The following ARPC3 variants were observed in gnomAD, a reference collection of about 807,000 sequenced individuals.
ARPC3 encodes actin related protein 2/3 complex subunit 3, also known as actin-related protein 2/3 complex subunit 3.
Under a neutral mutation model 27.6 loss-of-function variants are expected in ARPC3, and 12 were observed. The ratio of observed to expected loss-of-function variants is 0.43; its 90% CI spans 0.28 to 0.70. The LOEUF (loss-of-function observed/expected upper bound fraction) is 0.70. Ranked by LOEUF, ARPC3 falls within the 30% of genes least tolerant of loss-of-function variation. The pLI, the probability that ARPC3 is intolerant of heterozygous loss-of-function variation, is 0.17. For missense variants in ARPC3, 153 were observed against 207.7 expected (o/e 0.74, Z 1.62); for synonymous variants, 53 against 67.2 (o/e 0.79, Z 1.03).
At chr12:110,435,256 A>C in intron 6 of ARPC3, 39 bp from the exon 7 acceptor site, 1 of 1,441,138 alleles carries the variant, frequency 6.9e-7, no homozygotes, top group East Asian at 2.3e-5. Flanking sequence ...CAGCGGGGTC[A>C]AATTACAATA....
At chr12:110,439,428 A>C (rs545968739) in intron 3 of ARPC3, among the ~76,000 whole-genome samples, 3 of 152,354 alleles carry the variant, frequency 2.0e-5, no homozygotes, top group African/African-American at 7.2e-5. Context: ...AAAACATTCT[A>C]TTACCATCAC....
At chr12:110,449,293 T>C (rs2062485549) in intron 1 of ARPC3, among the ~76,000 whole-genome samples, 1 of 151,918 alleles carries the variant, frequency 6.6e-6, no homozygotes, top group African/African-American at 2.4e-5. Context: ...CTGGGCGCGA[T>C]GGCTCACGCT....
intron 6 of ARPC3, 75 bp downstream of exon 6, chr12:110,436,035 G>T: frequency 9.0e-7 from 1 of 1,112,476 alleles, no homozygotes; most frequent in Non-Finnish European, 1.4e-6. Context: ...TGCAATGGAA[G>T]ACCTTAGTGT....
intron 1 of ARPC3, among the ~76,000 whole-genome samples, chr12:110,446,982 G>A (rs2062468248): frequency 6.6e-6 from 1 of 152,128 alleles, no homozygotes; most frequent in African/African-American, 2.4e-5. Flanking sequence ...ACTAAATAAT[G>A]GGGTGCTGCT....
Position 110,437,064 on chromosome 12 carries a change from A to G in ARPC3, c.252+20T>C, listed in dbSNP as rs752875098. 2 of 1,534,240 alleles carry G rather than the reference A, an allele frequency of 1.3e-6. No individual in the cohort carries two copies. Among genetic ancestry groups the G allele is most frequent in the Admixed American group, 3.3e-5 (2 of 59,878 alleles). On this transcript the variant is annotated intron_variant, in intron 4 of 6. Coordinates refer to ENST00000228825, the MANE Select transcript of ARPC3 (RefSeq NM_001278556.2). Reference sequence around the variant, plus strand: ...TCAGCAATTTGTTTTCCTGATATACAATCATCCAAGTTTAATTACCTTTTG... The same window carrying G: ...TCAGCAATTTGTTTTCCTGATATACGATCATCCAAGTTTAATTACCTTTTG...
chr12:110,440,389 C>T lies in ARPC3; in HGVS notation c.107-1G>A. On this transcript the variant is annotated splice_acceptor_variant, in intron 2 of 6. Transcript: ENST00000228825. LOFTEE classifies it high-confidence loss of function. ...TCATCCACAATATCTGTATCTTTTG[C>T]TAAGCAGGACACAAGGGAAGGAGCA... is the stretch of plus-strand genomic sequence containing the variant. The T allele has an allele frequency of 6.2e-7, 1 of 1,603,526 alleles. No homozygotes were observed. Among genetic ancestry groups the T allele is most frequent in the Non-Finnish European group, 8.5e-7 (1 of 1,170,486 alleles).
At chr12:110,437,380 T>C (rs1435824054) in intron 3 of ARPC3, 6 of 474,708 alleles carry the variant, frequency 1.3e-5, no homozygotes, top group African/African-American at 9.9e-5. Context: ...GCTGCTTTTT[T>C]TTTTTGAGAC....
chr12:110,445,009 C>A, intron 2 of ARPC3: 2 of 218,278 alleles, frequency 9.2e-6, no homozygotes, highest in South Asian at 6.5e-5. Flanking sequence ...TTACATAGTA[C>A]ACTTCAGATT....
chr12:110,449,713 C>T (rs9630309), intron 1 of ARPC3, among the ~76,000 whole-genome samples: 3,250 of 152,248 alleles, frequency 0.021, 106 homozygotes, highest in African/African-American at 0.074. Flanking sequence ...ATTTTTTACT[C>T]CCACTCTGAT....
intron 6 of ARPC3, among the ~76,000 whole-genome samples, chr12:110,435,623 C>T (rs1207241881): frequency 1.3e-5 from 2 of 151,980 alleles, no homozygotes; most frequent in East Asian, 1.9e-4. Flanking sequence ...AGCCACCGCG[C>T]CTGGCCATAA....
Position 110,436,699 on chromosome 12 carries a change from T to TATATATATATACAC in ARPC3, c.253-17_253-16insGTGTATATATATAT. 4.7e-6 allele frequency: 3 copies of TATATATATATACAC among 633,898 alleles called. No individual in the cohort carries two copies. Among genetic ancestry groups the TATATATATATACAC allele is most frequent in the Non-Finnish European group, 7.4e-6 (3 of 403,988 alleles). 39.3% of individuals were successfully genotyped at this position (633,898 alleles called of 1,614,324 possible). On this transcript the variant is annotated splice_polypyrimidine_tract_variant and intron_variant, in intron 4 of 6. Coordinates refer to ENST00000228825, the MANE Select transcript of ARPC3 (RefSeq NM_001278556.2). ...TGGAATTGCACTGGAAAAAAAAATATATATATATATATACACACACACACA... is the reference window on the plus strand; with the variant it reads ...TGGAATTGCACTGGAAAAAAAAATATATATATATATACACATATATATATATACACACACACACA...
chr12:110,441,799 G>A (rs1178946750), intron 2 of ARPC3, among the ~76,000 whole-genome samples: 3 of 151,958 alleles, frequency 2.0e-5, no homozygotes, highest in Non-Finnish European at 1.5e-5. Context: ...GGGAGGCCGA[G>A]ACGGGTGGAT....
chr12:110,438,168 C>T, intron 3 of ARPC3, among the ~76,000 whole-genome samples: 1 of 151,834 alleles, frequency 6.6e-6, no homozygotes, highest in South Asian at 2.1e-4. Context: ...TGGTGGCGTG[C>T]GCCTGTAATC....
Position 110,436,561 on chromosome 12 carries a change from T to A in ARPC3, c.375A>T (p.Glu125Asp). Reference sequence around the variant, plus strand: ...AGGATAGAGACCTGTTCTTACCATCTTCCTGTTTGTTTGCAGGTTTGGCAT... The same window carrying A: ...AGGATAGAGACCTGTTCTTACCATCATCCTGTTTGTTTGCAGGTTTGGCAT... ...AIYAKPANKQ[E>D]DEVMRAYLQQ... The change falls in exon 5 of 7, where the codon GAA (glutamate) becomes GAT (aspartate). Residue 125 changes from glutamate to aspartate, a missense_variant. Physicochemically the swap from Glu to Asp is conservative, Grantham distance 45 (BLOSUM62 2). Coordinates refer to ENST00000228825, the MANE Select transcript of ARPC3 (RefSeq NM_001278556.2). 6.2e-7 allele frequency: 1 copy of A among 1,614,028 alleles called. No homozygotes were observed. Among genetic ancestry groups the A allele is most frequent in the South Asian group, 1.1e-5 (1 of 91,082 alleles).
At chr12:110,435,726 C>G (rs570976112) in intron 6 of ARPC3, among the ~76,000 whole-genome samples, 1 of 152,046 alleles carries the variant, frequency 6.6e-6, no homozygotes, top group African/African-American at 2.4e-5. Flanking sequence ...TGGGTTCAAG[C>G]GACTCTCTTG....
At chr12:110,435,874 C>T (rs1449182424) in intron 6 of ARPC3, among the ~76,000 whole-genome samples, 2 of 152,140 alleles carry the variant, frequency 1.3e-5, no homozygotes, top group African/African-American at 4.8e-5. Flanking sequence ...GATCCACTCG[C>T]CTCGGCCTCC....
chr12:110,438,889 C>G (rs1380102154), intron 3 of ARPC3, among the ~76,000 whole-genome samples: 1 of 151,958 alleles, frequency 6.6e-6, no homozygotes, highest in Non-Finnish European at 1.5e-5. Flanking sequence ...GTGATCCGCC[C>G]GCCTTGGCCT....
At chr12:110,445,223 C>G in intron 2 of ARPC3, 1 of 516,490 alleles carries the variant, frequency 1.9e-6, no homozygotes, top group Non-Finnish European at 3.5e-6. Context: ...CACATTTCCT[C>G]CATTTTCTCA....
Position 110,434,884 on chromosome 12 carries a change from A to G in ARPC3, c.*271T>C, listed in dbSNP as rs932371267. 2.1e-5 allele frequency: 13 copies of G among 619,792 alleles called. No homozygotes were observed. The highest frequency in any genetic ancestry group is 7.1e-5 in the Admixed American group (3 of 42,220). The allele number at this position is 619,792 out of a possible 1,614,324, so 38.4% of individuals were successfully genotyped here. A position where few individuals can be genotyped will look rare whatever the true frequency, so the allele number is the denominator to read the frequency against. On this transcript the variant is annotated 3_prime_UTR_variant, in exon 7 of 7. Coordinates refer to ENST00000228825, the MANE Select transcript of ARPC3 (RefSeq NM_001278556.2). ...TGTAAGTGAATGTCAAAGACTGGCA[A>G]TAAAGTTTTTCTGACATGGAATGTT... is the stretch of plus-strand genomic sequence containing the variant.
Sources: allele counts gnomAD v4.1 joint callset (sites outside exome capture counted in the v4.1 genomes callset), GRCh38; gene constraint gnomAD v4.1.1; transcripts MANE v1.5; gene names NCBI Gene and HGNC (gene_info 2026-07-23, HGNC 2026-07-21).